The following CCN3 variants were observed in gnomAD, a reference collection of about 807,000 sequenced individuals.
The protein encoded by CCN3 is cellular communication network factor 3, also known as CCN family member 3.
A neutral mutation model predicts 33.4 loss-of-function variants in CCN3; 20 were observed. That is an observed-to-expected ratio of 0.60 (90% CI 0.42 to 0.87). The LOEUF (loss-of-function observed/expected upper bound fraction) is 0.87, where lower values mean the gene tolerates loss of function less well. Ranked by LOEUF, CCN3 falls within the 40% of genes least tolerant of loss-of-function variation. The probability of loss-of-function intolerance (pLI) is 0.00; values close to 1 mark genes in which losing one functional copy is unlikely to be tolerated. For missense variants in CCN3, 465 were observed against 455.3 expected (o/e 1.02, Z -0.19); for synonymous variants, 205 against 170.4 (o/e 1.20, Z -1.58).
At position 119,424,387 on chromosome 8, in the gene CCN3, T is replaced by G. The variant is rs912257561; in HGVS notation, c.*1255T>G. Reference sequence around the variant, plus strand: ...TCTGTATTACTTTGGTGCATAAAAGTTGAACATTGTTGTTTACTGAAAATA... The same window carrying G: ...TCTGTATTACTTTGGTGCATAAAAGGTGAACATTGTTGTTTACTGAAAATA... On this transcript the variant is annotated 3_prime_UTR_variant, in exon 5 of 5. Transcript: ENST00000259526. 37 of 152,236 alleles carry G rather than the reference T, an allele frequency of 2.4e-4. No homozygotes were observed. The highest frequency in any genetic ancestry group is 7.7e-4 in the African/African-American group (32 of 41,460). The allele number at this position is 152,236 out of a possible 1,614,324, so 9.4% of individuals were successfully genotyped here.
At chr8:119,422,770 T>C in intron 4 of CCN3, 66 bp from the exon 5 acceptor site, 1 of 1,309,568 alleles carries the variant, frequency 7.6e-7, no homozygotes, top group Non-Finnish European at 1.1e-6. Flanking sequence ...GGTAATTCCA[T>C]ACTCTAAAAT....
In CCN3 at chr8:119,419,171, C is replaced by T. The variant is rs768330119; in HGVS notation, c.603C>T (p.Asp201=). 2 of 1,614,202 alleles carry T rather than the reference C, an allele frequency of 1.2e-6. No individual in the cohort carries two copies. Among genetic ancestry groups the T allele is most frequent in the Non-Finnish European group, 1.7e-6 (2 of 1,180,038 alleles). The change falls in exon 4 of 5, where the codon GAC becomes GAT. Residue 201 remains aspartate (D), a synonymous_variant. Coordinates refer to ENST00000259526, the MANE Select transcript of CCN3 (RefSeq NM_002514.4). ...CCACCCTAGGAGTAGAAGTCTCTGA[C>T]TCAAGTGTCAACTGCATTGAACAGA... ...PEATLGVEVS[D]SSVNCIEQTT...
Position 119,416,506 on chromosome 8 carries a change from G to A in CCN3, c.-27G>A. The stretch of plus-strand genomic sequence containing the variant: ...TCTACAGCGAAGAAAGTCTCGTTTG[G>A]TAAAAGCGAGAGGGGAAAGCCTGAG... On this transcript the variant is annotated 5_prime_UTR_variant, in exon 1 of 5. Transcript: ENST00000259526. The A allele has an allele frequency of 6.2e-7, 1 of 1,608,214 alleles. No homozygotes were observed. The highest frequency in any genetic ancestry group is 8.5e-7 in the Non-Finnish European group (1 of 1,175,646).
In CCN3 at chr8:119,424,214, T is replaced by C. The variant is rs533062857; in HGVS notation, c.*1082T>C. 2 of 152,318 alleles carry C rather than the reference T, an allele frequency of 1.3e-5. No homozygotes were observed. The highest frequency in any genetic ancestry group is 3.9e-4 in the East Asian group (2 of 5,176). The allele number at this position is 152,318 out of a possible 1,614,324, so 9.4% of individuals were successfully genotyped here. ...ACAAGGTAGGCTGCAAAATTAAATC[T>C]AGACATTCTTTTAATGCCACCACAC... On this transcript the variant is annotated 3_prime_UTR_variant, in exon 5 of 5. Coordinates refer to ENST00000259526, the MANE Select transcript of CCN3 (RefSeq NM_002514.4).
rs748148601 is a variant in CCN3 at position 119,423,154 on chromosome 8, C to A, written c.*22C>A. ...GTAACCTGTCACTCAAGAAGCACAC[C>A]TACAGAGCACCTGTAGCTGCTGCGC... On this transcript the variant is annotated 3_prime_UTR_variant, in exon 5 of 5. Coordinates refer to ENST00000259526, the MANE Select transcript of CCN3 (RefSeq NM_002514.4). The A allele has an allele frequency of 1.9e-6, 3 of 1,598,008 alleles. No homozygotes were observed. The highest frequency in any genetic ancestry group is 2.2e-5 in the South Asian group (2 of 89,964).
At chr8:119,421,011 CTTTTT>C (rs770175066) in intron 4 of CCN3, among the ~76,000 whole-genome samples, 1 of 75,012 alleles carries the variant, frequency 1.3e-5, no homozygotes, top group Non-Finnish European at 2.4e-5. Context: ...GACAGTGGTT[CTTTTT>C]TTTTTTTTTT....
intron 4 of CCN3, among the ~76,000 whole-genome samples, chr8:119,421,588 A>C (rs543800818): frequency 6.6e-6 from 1 of 152,360 alleles, no homozygotes; most frequent in East Asian, 1.9e-4. Context: ...TAGTAGATTA[A>C]GAAATATAAG....
intron 3 of CCN3, 132 bp from the exon 4 acceptor site, chr8:119,418,999 T>C (rs1820089362): frequency 1.6e-6 from 1 of 629,840 alleles, no homozygotes. Context: ...TTCAGTTCTG[T>C]GTCCTGGGAG....
chr8:119,416,710 C>A, intron 1 of CCN3, 34 bp from the exon 2 acceptor site: 1 of 1,575,962 alleles, frequency 6.3e-7, no homozygotes, highest in Non-Finnish European at 8.6e-7. Context: ...TCTGTCCCAG[C>A]TGAGTGGTTT....
Position 119,419,363 on chromosome 8 carries a change from A to G in CCN3, c.777+18A>G. ...CAGATAAGGTAGGAGCCTGGAGGAAACCTCCCATCCTGAAGGTAATGGCCT... is the reference window on the plus strand; with the variant it reads ...CAGATAAGGTAGGAGCCTGGAGGAAGCCTCCCATCCTGAAGGTAATGGCCT... On this transcript the variant is annotated intron_variant, in intron 4 of 4. Transcript: ENST00000259526. 1 of 1,610,898 alleles carries G rather than the reference A, an allele frequency of 6.2e-7. No homozygotes were observed. Among genetic ancestry groups the G allele is most frequent in the Non-Finnish European group, 8.5e-7 (1 of 1,178,802 alleles).
rs1466706006 is a variant in CCN3, at chr8:119,416,814, C to G, written c.155C>G (p.Pro52Arg). 15 of 1,608,524 alleles carry G rather than the reference C, an allele frequency of 9.3e-6. No homozygotes were observed. The highest frequency in any genetic ancestry group is 1.2e-5 in the Non-Finnish European group (14 of 1,177,850). ...CCTGCGACGCCGCCGACCTGCGCCC[C>G]CGGGGTGCGCGCGGTGCTGGACGGC... ...RCPATPPTCAPGVRAVLDGCS... is the reference protein window; with the variant it reads ...RCPATPPTCARGVRAVLDGCS... The change falls in exon 2 of 5, where the codon CCC becomes CGC. Residue 52 changes from proline to arginine, a missense_variant. By Grantham distance (103) the Pro-to-Arg change is moderately radical. Coordinates refer to ENST00000259526, the MANE Select transcript of CCN3 (RefSeq NM_002514.4).
At position 119,423,347 on chromosome 8, in the gene CCN3, G is replaced by C. The variant is rs1820153880; in HGVS notation, c.*215G>C. On this transcript the variant is annotated 3_prime_UTR_variant, in exon 5 of 5. Transcript: ENST00000259526. ...GGAATCAAGGTAAGCTCAGGATATG[G>C]CTTAGGAATGACTTACTTTCCTGTG... The C allele has an allele frequency of 2.2e-6, 1 of 461,280 alleles. No homozygotes were observed. The highest frequency in any genetic ancestry group is 1.9e-5 in the African/African-American group (1 of 51,946). 28.6% of individuals were successfully genotyped at this position (461,280 alleles called of 1,614,324 possible). A position where few individuals can be genotyped will look rare whatever the true frequency, so the allele number is the denominator to read the frequency against.
chr8:119,419,155 GAGT>G lies in CCN3; in HGVS notation c.590_592del (p.Val197del). ...GCTTACAGGCCAGAAGCCACCCTAG[GAGT>G]AGAAGTCTCTGACTCAAGTGTCAAC... On this transcript the variant is annotated inframe_deletion, in exon 4 of 5. Transcript: ENST00000259526. 6.2e-7 allele frequency: 1 copy of G among 1,614,130 alleles called. No homozygotes were observed. The highest frequency in any genetic ancestry group is 8.5e-7 in the Non-Finnish European group (1 of 1,180,014).
chr8:119,421,156 T>C (rs1317341111), intron 4 of CCN3, among the ~76,000 whole-genome samples: 1 of 151,848 alleles, frequency 6.6e-6, no homozygotes, highest in African/African-American at 2.4e-5. Flanking sequence ...GTAGCTGGGA[T>C]TACAGACGCC....
At position 119,423,369 on chromosome 8, in the gene CCN3, T is replaced by G. The variant is rs891567933; in HGVS notation, c.*237T>G. The G allele has an allele frequency of 3.6e-5, 15 of 411,714 alleles. No individual in the cohort carries two copies. The South Asian group carries it at 9.9e-4, about 27-fold the overall frequency. The allele number at this position is 411,714 out of a possible 1,614,324, so 25.5% of individuals were successfully genotyped here. A position where few individuals can be genotyped will look rare whatever the true frequency, so the allele number is the denominator to read the frequency against. On this transcript the variant is annotated 3_prime_UTR_variant, in exon 5 of 5. Coordinates refer to ENST00000259526, the MANE Select transcript of CCN3 (RefSeq NM_002514.4). ...ATGGCTTAGGAATGACTTACTTTCCTGTGGTTTTATTACAAATGCAAATTT... is the reference window on the plus strand; with the variant it reads ...ATGGCTTAGGAATGACTTACTTTCCGGTGGTTTTATTACAAATGCAAATTT...
Position 119,416,556 on chromosome 8 carries a change from C to G in CCN3, c.24C>G (p.Ser8Arg). The change falls in exon 1 of 5, where the codon AGC (serine) becomes AGG (arginine). Residue 8 changes from serine to arginine, a missense_variant. Transcript: ENST00000259526. MQSVQSTSFCLRKQCLCL... is the reference protein window; with the variant it reads MQSVQSTRFCLRKQCLCL... ...GCATGCAGAGTGTGCAGAGCACGAG[C>G]TTTTGTCTCCGAAAGCAGTGCCTTT... is the stretch of plus-strand genomic sequence containing the variant. 3 of 1,613,962 alleles carry G rather than the reference C, an allele frequency of 1.9e-6. No homozygotes were observed. The highest frequency in any genetic ancestry group is 2.2e-5 in the East Asian group (1 of 44,880).
chr8:119,423,270 G>T lies in CCN3; in HGVS notation c.*138G>T. On this transcript the variant is annotated 3_prime_UTR_variant, in exon 5 of 5. Coordinates refer to ENST00000259526, the MANE Select transcript of CCN3 (RefSeq NM_002514.4). ...TATTTTCCTAATGTGATCATATGAGGACCTTTATATCTGTCTTTTATTTAA... is the reference window on the plus strand; with the variant it reads ...TATTTTCCTAATGTGATCATATGAGTACCTTTATATCTGTCTTTTATTTAA... The T allele has an allele frequency of 1.3e-6, 1 of 792,178 alleles. No homozygotes were observed. Among genetic ancestry groups the T allele is most frequent in the Non-Finnish European group, 2.0e-6 (1 of 503,472 alleles). 49.1% of individuals were successfully genotyped at this position (792,178 alleles called of 1,614,324 possible). A position where few individuals can be genotyped will look rare whatever the true frequency, so the allele number is the denominator to read the frequency against.
At chr8:119,421,067 G>A (rs141206533) in intron 4 of CCN3, among the ~76,000 whole-genome samples, 25,575 of 129,510 alleles carry the variant, frequency 0.2, 2,475 homozygotes, top group Middle Eastern at 0.27. Context: ...CACCCAAGCT[G>A]GAGTGCAGTG....
intron 4 of CCN3, among the ~76,000 whole-genome samples, chr8:119,420,332 C>T (rs189186180): frequency 1.8e-4 from 28 of 152,180 alleles, no homozygotes; most frequent in African/African-American, 5.1e-4. Flanking sequence ...TAACTTGTCA[C>T]GATGATTACA....
Sources: gnomAD v4.1 joint callset for allele counts (sites outside exome capture counted in the v4.1 genomes callset) on GRCh38, gnomAD v4.1.1 for gene constraint, MANE v1.5 for transcripts, NCBI Gene and HGNC (gene_info 2026-07-23, HGNC 2026-07-21) for gene names.